The following CDC42SE2 variants were observed in gnomAD, a reference collection of about 807,000 sequenced individuals.
The protein encoded by CDC42SE2 is CDC42 small effector 2.
CDC42SE2 carries 3 observed loss-of-function variants against 11.5 expected under a neutral mutation model. That is an observed-to-expected ratio of 0.26 (90% CI 0.12 to 0.67). CDC42SE2 has a LOEUF of 0.67. CDC42SE2 is among the 30% of genes least tolerant of loss of function. The pLI is 0.80. For missense variants in CDC42SE2, 82 were observed against 106.8 expected (o/e 0.77, Z 1.02); for synonymous variants, 33 against 34.8 (o/e 0.95, Z 0.18).
intron 1 of CDC42SE2, among the ~76,000 whole-genome samples, chr5:131,272,156 G>A (rs1376402128): frequency 2.0e-5 from 3 of 151,870 alleles, no homozygotes; most frequent in South Asian, 4.2e-4. Flanking sequence ...AATTACAGGC[G>A]CCCATCACCA....
intron 1 of CDC42SE2, among the ~76,000 whole-genome samples, chr5:131,250,331 GA>G (rs1235066367): frequency 1.1e-4 from 16 of 152,064 alleles, no homozygotes; most frequent in African/African-American, 3.9e-4. Flanking sequence ...GCAACAATGT[GA>G]ACTTATATTG....
intron 1 of CDC42SE2, among the ~76,000 whole-genome samples, chr5:131,278,672 A>C (rs1158815303): frequency 3.7e-5 from 5 of 134,612 alleles, no homozygotes; most frequent in East Asian, 2.4e-4. Context: ...TTTTATAGAC[A>C]AAAAAAATGC....
intron 1 of CDC42SE2, among the ~76,000 whole-genome samples, chr5:131,295,896 A>T (rs1757562334): frequency 6.6e-6 from 1 of 151,968 alleles, no homozygotes; most frequent in South Asian, 2.1e-4. Context: ...CGTGTTAGCC[A>T]GGGTGGTCTC....
intron 1 of CDC42SE2, among the ~76,000 whole-genome samples, chr5:131,274,160 T>G (rs1236211493): frequency 6.6e-6 from 1 of 152,194 alleles, no homozygotes; most frequent in Non-Finnish European, 1.5e-5. Context: ...GTACTCCGCA[T>G]TTTTAAGTAG....
chr5:131,354,368 T>G (rs951613840), intron 2 of CDC42SE2, among the ~76,000 whole-genome samples: 12 of 152,118 alleles, frequency 7.9e-5, no homozygotes, highest in African/African-American at 2.9e-4. Context: ...CAGGAGCCCA[T>G]AAGCACCTCT....
chr5:131,317,667 ATCTTT>A (rs1758069486), intron 2 of CDC42SE2, among the ~76,000 whole-genome samples: 1 of 150,536 alleles, frequency 6.6e-6, no homozygotes, highest in African/African-American at 2.4e-5. Flanking sequence ...GTTTCTTTCT[ATCTTT>A]TCTTTTAAAT....
chr5:131,221,207 C>T, the CDC42SE2 span, among the ~76,000 whole-genome samples: 1 of 152,088 alleles, frequency 6.6e-6, no homozygotes, highest in Non-Finnish European at 1.5e-5. Flanking sequence ...TTGTCCAACC[C>T]GCAGCCCACG....
At chr5:131,373,683 A>T (rs1750073118) in intron 3 of CDC42SE2, among the ~76,000 whole-genome samples, 1 of 152,260 alleles carries the variant, frequency 6.6e-6, no homozygotes, top group Non-Finnish European at 1.5e-5. Context: ...AGAACTCGGA[A>T]GAAATAGATG....
chr5:131,210,869 C>T, the CDC42SE2 span, among the ~76,000 whole-genome samples: 1 of 152,200 alleles, frequency 6.6e-6, no homozygotes, highest in East Asian at 1.9e-4. Context: ...GATGGATTCT[C>T]ACTCTGTTGC....
At chr5:131,233,110 A>G in the CDC42SE2 span, among the ~76,000 whole-genome samples, 2 of 152,084 alleles carry the variant, frequency 1.3e-5, no homozygotes, top group Non-Finnish European at 2.9e-5. Context: ...ACGGGTCTGT[A>G]TATATTTTTT....
intron 3 of CDC42SE2, among the ~76,000 whole-genome samples, chr5:131,373,051 A>T (rs1265528574): frequency 1.3e-5 from 2 of 152,140 alleles, no homozygotes; most frequent in African/African-American, 4.8e-5. Context: ...CATGACCATC[A>T]AACCTTAAAG....
intron 1 of CDC42SE2, among the ~76,000 whole-genome samples, chr5:131,290,891 A>C (rs551739422): frequency 2.8e-4 from 42 of 152,324 alleles, no homozygotes; most frequent in African/African-American, 1.0e-3. Context: ...AAATTAGAAA[A>C]AAAGAAAACT....
At chr5:131,281,780 C>T (rs745970875) in intron 1 of CDC42SE2, among the ~76,000 whole-genome samples, 9 of 152,162 alleles carry the variant, frequency 5.9e-5, no homozygotes, top group Admixed American at 5.2e-4. Flanking sequence ...AGACACACCT[C>T]GATTTGATCT....
chr5:131,213,073 C>T, the CDC42SE2 span, among the ~76,000 whole-genome samples: 4 of 152,108 alleles, frequency 2.6e-5, no homozygotes, highest in African/African-American at 9.7e-5. Flanking sequence ...GCCTGTAATC[C>T]CAGCTACTAC....
Position 131,377,103 on chromosome 5 carries a change from C to T in CDC42SE2, c.55-8440C>T, listed in dbSNP as rs146970114. 3.2e-3 allele frequency among the ~76,000 whole-genome samples: 484 copies of T among 152,158 alleles called. 3 individuals are homozygous for T. The highest frequency in any genetic ancestry group is 0.011 in the African/African-American group (462 of 41,502). On this transcript the variant is annotated intron_variant, in intron 3 of 4. Transcript: ENST00000505065. ...CAATGGCTAAACTAATTTACATTCC[C>T]ACCAGCAGTATATAAGTGTTCCCTT...
the CDC42SE2 span, among the ~76,000 whole-genome samples, chr5:131,212,649 T>C: frequency 6.6e-6 from 1 of 152,198 alleles, no homozygotes; most frequent in South Asian, 2.1e-4. Context: ...ACTACATCAG[T>C]GTCAGTGTAC....
At chr5:131,300,205 A>C (rs138759449) in intron 1 of CDC42SE2, among the ~76,000 whole-genome samples, 1 of 152,290 alleles carries the variant, frequency 6.6e-6, no homozygotes, top group East Asian at 1.9e-4. Context: ...TAAGATTTGA[A>C]AAACATGCCA....
the CDC42SE2 span, among the ~76,000 whole-genome samples, chr5:131,229,097 T>C: frequency 5.3e-5 from 8 of 152,318 alleles, no homozygotes. Context: ...CAACTCATTC[T>C]CATGGAGAGA....
At chr5:131,372,754 A>C (rs968364664) in intron 3 of CDC42SE2, among the ~76,000 whole-genome samples, 5 of 151,956 alleles carry the variant, frequency 3.3e-5, no homozygotes, top group Admixed American at 6.6e-5. Context: ...TTTGAATTCC[A>C]GAGCTGGTAC....
Sources: allele counts gnomAD v4.1 joint callset (sites outside exome capture counted in the v4.1 genomes callset), GRCh38; gene constraint gnomAD v4.1.1; transcripts MANE v1.5; gene names NCBI Gene and HGNC (gene_info 2026-07-23, HGNC 2026-07-21).